DOCK8: variants seen among roughly 807,000 people sequenced by gnomAD.
DOCK8 encodes the protein dedicator of cytokinesis protein 8.
DOCK8 carries 141 observed loss-of-function variants against 245.6 expected under a neutral mutation model. The observed-to-expected ratio is 0.57, with a 90% CI of 0.50 to 0.66. The LOEUF (loss-of-function observed/expected upper bound fraction) is 0.66. Ranked by LOEUF, DOCK8 falls within the 30% of genes least tolerant of loss-of-function variation. The pLI, the probability that DOCK8 is intolerant of heterozygous loss-of-function variation, is 0.00. For missense variants in DOCK8, 2,965 were observed against 2,603.4 expected (o/e 1.14, Z -3.02); for synonymous variants, 1,168 against 970.2 (o/e 1.20, Z -3.79).
intron 1 of DOCK8, among the ~76,000 whole-genome samples, chr9:246,187 C>G (rs1041620315): frequency 6.6e-6 from 1 of 151,818 alleles, no homozygotes; most frequent in African/African-American, 2.4e-5. Flanking sequence ...CCACTGCACT[C>G]CATCCTAGGT....
intron 28 of DOCK8, among the ~76,000 whole-genome samples, chr9:413,510 A>C (rs2055850874): frequency 6.6e-6 from 1 of 152,318 alleles, no homozygotes; most frequent in African/African-American, 2.4e-5. Flanking sequence ...TCAAAAACCT[A>C]ATAGGGGACT....
chr9:302,104 A>T (rs1315367030), intron 4 of DOCK8, among the ~76,000 whole-genome samples: 1 of 152,234 alleles, frequency 6.6e-6, no homozygotes, highest in African/African-American at 2.4e-5. Flanking sequence ...ATACTACACT[A>T]CAAGGCTACA....
chr9:423,164 A>G (rs539381528), intron 33 of DOCK8, among the ~76,000 whole-genome samples: 1 of 152,154 alleles, frequency 6.6e-6, no homozygotes, highest in Non-Finnish European at 1.5e-5. Context: ...GATGTGTATT[A>G]TAATATATAT....
chr9:412,295 C>T (rs1298626253), intron 28 of DOCK8, among the ~76,000 whole-genome samples: 2 of 151,008 alleles, frequency 1.3e-5, no homozygotes, highest in African/African-American at 2.4e-5. Flanking sequence ...GTCCCAGCTA[C>T]TTGGGAGGTT....
At chr9:265,120 C>G (rs1164292879) in intron 1 of DOCK8, among the ~76,000 whole-genome samples, 2 of 152,098 alleles carry the variant, frequency 1.3e-5, no homozygotes, top group East Asian at 3.9e-4. Context: ...TTAGTAGAGA[C>G]GGGGTCTCAC....
At chr9:349,291 A>G (rs1204375261) in intron 14 of DOCK8, among the ~76,000 whole-genome samples, 2 of 150,762 alleles carry the variant, frequency 1.3e-5, no homozygotes, top group African/African-American at 4.9e-5. Flanking sequence ...GGTGTCAACA[A>G]CAGAAAGATT....
chr9:301,451 A>C (rs1047230448), intron 4 of DOCK8, among the ~76,000 whole-genome samples: 6 of 152,202 alleles, frequency 3.9e-5, no homozygotes, highest in Admixed American at 3.9e-4. Context: ...AAGGATGCCT[A>C]CTCTCACCAC....
At chr9:383,700 CAAAAAAAAAAA>C (rs1164310899) in intron 22 of DOCK8, among the ~76,000 whole-genome samples, 1 of 69,932 alleles carries the variant, frequency 1.4e-5, no homozygotes, top group South Asian at 8.1e-4. Flanking sequence ...GACTCCGTCT[CAAAAAAAAAAA>C]AAAAAAAAAA....
At chr9:449,341 A>G (rs1289935721) in intron 44 of DOCK8, among the ~76,000 whole-genome samples, 1 of 135,302 alleles carries the variant, frequency 7.4e-6, no homozygotes, top group East Asian at 2.6e-4. Flanking sequence ...CAAGAGCAAA[A>G]CTCCATCTCA....
intron 1 of DOCK8, among the ~76,000 whole-genome samples, chr9:269,055 C>G (rs1314976600): frequency 6.6e-6 from 1 of 152,188 alleles, no homozygotes; most frequent in Non-Finnish European, 1.5e-5. Context: ...GTACACCTAT[C>G]TATATCTATT....
At chr9:388,063 A>C (rs1450654551) in intron 23 of DOCK8, among the ~76,000 whole-genome samples, 1 of 152,210 alleles carries the variant, frequency 6.6e-6, no homozygotes, top group African/African-American at 2.4e-5. Context: ...TTACTTTAAG[A>C]AGCAGCTTAT....
Position 386,264 on chromosome 9 carries a change from A to G in DOCK8, c.2779-67A>G, listed in dbSNP as rs375747541. 7.9e-6 allele frequency: 11 copies of G among 1,390,024 alleles called. No homozygotes were observed. In the African/African-American group the frequency reaches 1.0e-4, roughly 13 times the overall value. The allele number at this position is 1,390,024 out of a possible 1,614,324, so 86.1% of individuals were successfully genotyped here. ...TAAAAAAATGAATTCTGAGGTTGTG[A>G]TTTCCAGATGTCTGGCTTACCTTTC... On this transcript the variant is annotated intron_variant, in intron 22 of 47. Transcript: ENST00000432829.
chr9:399,622 A>C (rs2054645720), intron 26 of DOCK8, among the ~76,000 whole-genome samples: 1 of 152,036 alleles, frequency 6.6e-6, no homozygotes, highest in African/African-American at 2.4e-5. Context: ...GTCTCTTTTC[A>C]CATATTAGGG....
In DOCK8 at chr9:396,838, G is replaced by A. The variant is rs967510527; in HGVS notation, c.3024G>A (p.Arg1008=). 1.2e-6 allele frequency: 2 copies of A among 1,614,148 alleles called. No individual in the cohort carries two copies. The highest frequency in any genetic ancestry group is 1.7e-6 in the Non-Finnish European group (2 of 1,180,022). Residue 1008 remains arginine (R), a synonymous_variant, in exon 25 of 48, where the codon CGG becomes CGA. Coordinates refer to ENST00000432829, the MANE Select transcript of DOCK8 (RefSeq NM_203447.4). ...ACATGGACAAACGGGACAGTTTTCG[G>A]AGGACTCGTTTTTCTGACCGTTTCA... The part of the protein sequence containing the change: ...VHNMDKRDSF[R]RTRFSDRFMD...
chr9:399,019 C>T (rs1030970134), intron 25 of DOCK8, 127 bp from the exon 26 acceptor site: 1 of 812,262 alleles, frequency 1.2e-6, no homozygotes, highest in African/African-American at 1.7e-5. Flanking sequence ...CTACTTCGCC[C>T]AGTGCCACCC....
At chr9:248,567 T>A (rs1002342351) in intron 1 of DOCK8, among the ~76,000 whole-genome samples, 1 of 93,060 alleles carries the variant, frequency 1.1e-5, no homozygotes, top group African/African-American at 3.3e-5. Context: ...CTCTCTTTCT[T>A]TCTTTCTCTC....
chr9:367,825 G>C (rs566163390), intron 14 of DOCK8, among the ~76,000 whole-genome samples, 193 bp from the exon 15 acceptor site: 2 of 152,188 alleles, frequency 1.3e-5, no homozygotes, highest in South Asian at 4.2e-4. Context: ...GAGCGATGGG[G>C]GTTATTTTCA....
At chr9:417,954 T>C in intron 29 of DOCK8, 114 bp from the exon 30 acceptor site, 1 of 1,372,822 alleles carries the variant, frequency 7.3e-7, no homozygotes, top group South Asian at 1.2e-5. Context: ...AAACATCAGG[T>C]TTGAAATTAC....
At chr9:453,767 G>A (rs957397984) in intron 46 of DOCK8, among the ~76,000 whole-genome samples, 11 of 152,140 alleles carry the variant, frequency 7.2e-5, no homozygotes, top group East Asian at 1.9e-4. Flanking sequence ...TCACTATGCC[G>A]TCTAGGCTGG....
Sources: gnomAD v4.1 joint callset for allele counts (sites outside exome capture counted in the v4.1 genomes callset) on GRCh38, gnomAD v4.1.1 for gene constraint, MANE v1.5 for transcripts, NCBI Gene and HGNC (gene_info 2026-07-23, HGNC 2026-07-21) for gene names.